The following AGBL4 variants were observed in gnomAD, a reference collection of about 807,000 sequenced individuals.
AGBL4 encodes cytosolic carboxypeptidase 6.
Under a neutral mutation model 66.4 loss-of-function variants are expected in AGBL4, and 58 were observed. The observed-to-expected ratio is 0.87, with a 90% confidence interval of 0.71 to 1.09. The LOEUF (loss-of-function observed/expected upper bound fraction) is 1.09, where lower values mean the gene tolerates loss of function less well. Ranked by LOEUF, AGBL4 falls within the 50% of genes least tolerant of loss-of-function variation. The pLI, the probability that AGBL4 is intolerant of heterozygous loss-of-function variation, is 0.00. For synonymous variants in AGBL4, 234 were observed against 222.9 expected, an observed-to-expected ratio of 1.05 and a Z score of -0.44; for missense variants, 579 against 631.0, an observed-to-expected ratio of 0.92 and a Z score of 0.88.
intron 11 of AGBL4, among the ~76,000 whole-genome samples, chr1:48,568,167 C>T (rs903650623): frequency 6.6e-6 from 1 of 152,132 alleles, no homozygotes; most frequent in African/African-American, 2.4e-5. Context: ...CATGTCATTC[C>T]TCACTCAAAA....
At chr1:49,210,568 A>C (rs775381865) in intron 4 of AGBL4, among the ~76,000 whole-genome samples, 86 of 152,080 alleles carry the variant, frequency 5.7e-4, no homozygotes, top group Non-Finnish European at 1.1e-3. Context: ...TAATCTCAGG[A>C]GGCCTTATTA....
intron 2 of AGBL4, among the ~76,000 whole-genome samples, chr1:49,771,669 G>A (rs1257907102): frequency 2.6e-5 from 4 of 151,802 alleles, no homozygotes; most frequent in South Asian, 2.1e-4. Flanking sequence ...ATGCATTTTT[G>A]TACTCCTATG....
chr1:49,012,415 A>T (rs1662508716), intron 5 of AGBL4, among the ~76,000 whole-genome samples: 1 of 152,200 alleles, frequency 6.6e-6, no homozygotes, highest in Non-Finnish European at 1.5e-5. Flanking sequence ...GGAAGAGAAC[A>T]GACATCTATT....
chr1:49,818,390 A>T, intron 2 of AGBL4, among the ~76,000 whole-genome samples: 2 of 142,488 alleles, frequency 1.4e-5, no homozygotes, highest in Admixed American at 7.2e-5. Flanking sequence ...TTTTGAGATG[A>T]GGTCTTGCTC....
intron 9 of AGBL4, among the ~76,000 whole-genome samples, chr1:48,625,128 CCTTCCTTCCTTCCTT>C: frequency 1.3e-5 from 1 of 75,202 alleles, no homozygotes; most frequent in African/African-American, 4.2e-5. Context: ...TTCCTTCCTT[CCTTCCTTCCTTCCTT>C]TCTCTTTCTC....
At chr1:49,623,184 T>C (rs1571196734) in intron 3 of AGBL4, among the ~76,000 whole-genome samples, 1 of 152,208 alleles carries the variant, frequency 6.6e-6, no homozygotes, top group East Asian at 1.9e-4. Flanking sequence ...CAGCTGCTGG[T>C]GATCGCTCCA....
intron 6 of AGBL4, among the ~76,000 whole-genome samples, chr1:48,689,219 A>AAAAAAG (rs1553207682): frequency 1.5e-4 from 21 of 141,578 alleles, no homozygotes; most frequent in African/African-American, 6.5e-4. Flanking sequence ...AAAAAAAAAA[A>AAAAAAG]AAAAGAAAAG....
At chr1:50,020,288 T>C (rs952963093) in intron 1 of AGBL4, among the ~76,000 whole-genome samples, 2 of 152,102 alleles carry the variant, frequency 1.3e-5, no homozygotes, top group African/African-American at 2.4e-5. Flanking sequence ...GTAAAGTATA[T>C]GCAATACATT....
chr1:49,846,176 A>G, intron 2 of AGBL4: 2 of 1,453,850 alleles, frequency 1.4e-6, no homozygotes, highest in Non-Finnish European at 1.9e-6. Context: ...TAAGTGTGGG[A>G]AATCCTTCAA....
intron 4 of AGBL4, among the ~76,000 whole-genome samples, chr1:49,076,505 A>G (rs1644712865): frequency 1.3e-5 from 2 of 152,208 alleles, no homozygotes; most frequent in South Asian, 4.1e-4. Context: ...AAGAAAAGGA[A>G]GTCTGGAAAA....
chr1:49,608,693 A>G (rs1486031134), intron 3 of AGBL4, among the ~76,000 whole-genome samples: 1 of 152,118 alleles, frequency 6.6e-6, no homozygotes, highest in East Asian at 1.9e-4. Flanking sequence ...GCCTGGCCAA[A>G]CTCCAAATAC....
intron 3 of AGBL4, among the ~76,000 whole-genome samples, chr1:49,430,735 A>C (rs1056891685): frequency 3.3e-5 from 5 of 152,208 alleles, no homozygotes; most frequent in Non-Finnish European, 7.4e-5. Context: ...ACTAGCACTC[A>C]GATCCAAAGC....
At chr1:49,622,554 G>A (rs1227216811) in intron 3 of AGBL4, among the ~76,000 whole-genome samples, 8 of 143,070 alleles carry the variant, frequency 5.6e-5, no homozygotes, top group South Asian at 2.2e-4. Context: ...GCGTGAACCC[G>A]GGAGGCGGAG....
intron 3 of AGBL4, among the ~76,000 whole-genome samples, chr1:49,447,451 G>A (rs1259356080): frequency 6.6e-6 from 1 of 152,180 alleles, no homozygotes; most frequent in African/African-American, 2.4e-5. Context: ...GGAGCTCCTG[G>A]AATGTGCAAA....
intron 2 of AGBL4, among the ~76,000 whole-genome samples, chr1:49,712,568 T>C (rs1398128803): frequency 6.6e-6 from 1 of 151,882 alleles, no homozygotes; most frequent in Non-Finnish European, 1.5e-5. Flanking sequence ...TAATATTGCA[T>C]ATTGAAAATT....
chr1:49,809,928 G>C (rs116082820), intron 2 of AGBL4, among the ~76,000 whole-genome samples: 7 of 152,068 alleles, frequency 4.6e-5, no homozygotes, highest in Admixed American at 2.0e-4. Context: ...CTATTTAGTG[G>C]ATTAGCTATC....
At chr1:48,824,598 G>A (rs1011496690) in intron 6 of AGBL4, among the ~76,000 whole-genome samples, 1 of 152,166 alleles carries the variant, frequency 6.6e-6, no homozygotes, top group Admixed American at 6.5e-5. Flanking sequence ...GTGGGAGTTG[G>A]GGGAGGAATC....
At chr1:49,489,755 TAC>T (rs1448001344) in intron 3 of AGBL4, among the ~76,000 whole-genome samples, 1 of 151,900 alleles carries the variant, frequency 6.6e-6, no homozygotes, top group Non-Finnish European at 1.5e-5. Flanking sequence ...CATATGGATA[TAC>T]AGTTTTCCCA....
In AGBL4 at chr1:49,758,712, C is replaced by CTT. The variant is rs34268542; in HGVS notation, c.158-61277_158-61276dup. Among the ~76,000 whole-genome samples the CTT allele has an allele frequency of 5.3e-4, 78 of 147,466 alleles. 1 individual carries two copies. Among genetic ancestry groups the CTT allele is most frequent in the Middle Eastern group, 3.5e-3 (1 of 284 alleles). On this transcript the variant is annotated intron_variant, in intron 2 of 13. Transcript: ENST00000371839. ...CCAATCATATCTTAGCTGTAACTAG[C>CTT]TTTTTTTTTTTTTAACAGGCTCATA...
Sources: gnomAD v4.1 joint callset for allele counts (sites outside exome capture counted in the v4.1 genomes callset) on GRCh38, gnomAD v4.1.1 for gene constraint, MANE v1.5 for transcripts, NCBI Gene and HGNC (gene_info 2026-07-23, HGNC 2026-07-21) for gene names.